Variants in RBMS3 observed in about 807,000 individuals in gnomAD.
The protein encoded by RBMS3 is RNA binding motif single stranded interacting protein 3.
Under a neutral mutation model 66.8 loss-of-function variants are expected in RBMS3, and 27 were observed. The observed-to-expected ratio is 0.40, with a 90% CI of 0.30 to 0.56. RBMS3 has a LOEUF of 0.56. Ranked by LOEUF, RBMS3 falls within the 20% of genes least tolerant of loss-of-function variation. The pLI is 0.40. For synonymous variants in RBMS3, 188 were observed against 183.0 expected, an observed-to-expected ratio of 1.03 and a Z score of -0.22; for missense variants, 513 against 549.5, an observed-to-expected ratio of 0.93 and a Z score of 0.66.
intron 1 of RBMS3, among the ~76,000 whole-genome samples, chr3:29,368,469 A>G (rs977224351): frequency 6.6e-6 from 1 of 152,090 alleles, no homozygotes; most frequent in Non-Finnish European, 1.5e-5. Flanking sequence ...GGTATTCGGT[A>G]AATATTTGTT....
intron 8 of RBMS3, 86 bp from the exon 9 acceptor site, chr3:29,897,293 C>A: frequency 8.3e-7 from 1 of 1,202,950 alleles, no homozygotes; most frequent in Non-Finnish European, 1.2e-6. Context: ...GGAAATATGT[C>A]TTTCCCATAG....
intron 6 of RBMS3, among the ~76,000 whole-genome samples, chr3:29,763,747 A>G (rs1459781310): frequency 3.3e-5 from 5 of 152,104 alleles, no homozygotes; most frequent in Non-Finnish European, 7.4e-5. Flanking sequence ...GAAGGTTTTA[A>G]TATTAACTAA....
chr3:30,003,025 C>T (rs1699679218), intron 14 of RBMS3, among the ~76,000 whole-genome samples: 1 of 151,982 alleles, frequency 6.6e-6, no homozygotes, highest in Admixed American at 6.6e-5. Context: ...TTTTTGCTGG[C>T]ATCCAATACC....
chr3:29,607,344 C>A (rs1193034747), intron 4 of RBMS3, among the ~76,000 whole-genome samples: 12 of 151,878 alleles, frequency 7.9e-5, no homozygotes, highest in Admixed American at 7.9e-4. Context: ...AGTCCAAGAT[C>A]AAGGTGCTGA....
chr3:29,671,380 A>G (rs2050993858), intron 4 of RBMS3, among the ~76,000 whole-genome samples: 1 of 152,230 alleles, frequency 6.6e-6, no homozygotes, highest in African/African-American at 2.4e-5. Flanking sequence ...TTCTCCTCCA[A>G]ACGAACACAG....
intron 4 of RBMS3, among the ~76,000 whole-genome samples, chr3:29,605,687 C>T (rs988276143): frequency 4.6e-5 from 7 of 151,904 alleles, no homozygotes; most frequent in Non-Finnish European, 1.0e-4. Flanking sequence ...TTGACTTTGG[C>T]AGTTCAGATT....
At chr3:29,584,126 T>C (rs1170121965) in intron 3 of RBMS3, among the ~76,000 whole-genome samples, 1 of 152,174 alleles carries the variant, frequency 6.6e-6, no homozygotes, top group Non-Finnish European at 1.5e-5. Context: ...CAAATCATGA[T>C]AGTGACATCA....
intron 10 of RBMS3, among the ~76,000 whole-genome samples, chr3:29,932,826 T>A (rs900099059): frequency 6.6e-6 from 1 of 152,314 alleles, no homozygotes. Flanking sequence ...CACATGATGA[T>A]CTTTGGAAAC....
chr3:29,283,239 C>T (rs2031971668), intron 1 of RBMS3, among the ~76,000 whole-genome samples: 1 of 152,166 alleles, frequency 6.6e-6, no homozygotes, highest in South Asian at 2.1e-4. Context: ...CCCTTTTACT[C>T]ATTTGGCTAC....
intron 3 of RBMS3, among the ~76,000 whole-genome samples, chr3:29,526,970 T>C (rs576791244): frequency 1.3e-5 from 2 of 152,152 alleles, no homozygotes; most frequent in East Asian, 3.9e-4. Context: ...ACGTGACCAT[T>C]CCTATTTTAT....
intron 10 of RBMS3, among the ~76,000 whole-genome samples, chr3:29,917,865 A>C (rs1296965778): frequency 6.6e-6 from 1 of 152,146 alleles, no homozygotes; most frequent in African/African-American, 2.4e-5. Flanking sequence ...CAAGAAGTTC[A>C]TTGGTCTTTT....
At chr3:30,001,937 C>T (rs757889085) in intron 14 of RBMS3, among the ~76,000 whole-genome samples, 23 of 151,942 alleles carry the variant, frequency 1.5e-4, no homozygotes, top group Admixed American at 3.3e-4. Context: ...TAAATGTGCA[C>T]ATTCACATTT....
intron 3 of RBMS3, among the ~76,000 whole-genome samples, chr3:29,497,410 A>G (rs747090004): frequency 8.5e-5 from 13 of 152,232 alleles, no homozygotes; most frequent in Non-Finnish European, 1.9e-4. Flanking sequence ...TGTTACTTTT[A>G]CTAATCCATG....
At chr3:29,759,123 T>C (rs2055552711) in intron 5 of RBMS3, among the ~76,000 whole-genome samples, 1 of 152,116 alleles carries the variant, frequency 6.6e-6, no homozygotes, top group Non-Finnish European at 1.5e-5. Context: ...CAGAACATTC[T>C]ACTAATATTG....
intron 3 of RBMS3, among the ~76,000 whole-genome samples, chr3:29,534,388 T>A (rs2045475053): frequency 6.6e-6 from 1 of 152,228 alleles, no homozygotes. Flanking sequence ...TTTATCTTGG[T>A]TGGGTGAAAC....
intron 4 of RBMS3, among the ~76,000 whole-genome samples, chr3:29,602,253 TAG>T (rs142611941): frequency 0.04 from 6,026 of 152,088 alleles, 158 homozygotes; most frequent in Admixed American, 0.087. Context: ...ATTACAAATA[TAG>T]AGTGTTATTA....
At chr3:29,643,388 T>G (rs2149200261) in intron 4 of RBMS3, among the ~76,000 whole-genome samples, 1 of 152,226 alleles carries the variant, frequency 6.6e-6, no homozygotes, top group Admixed American at 6.5e-5. Flanking sequence ...GTGGTATAAT[T>G]TCTTTGTTGA....
intron 10 of RBMS3, among the ~76,000 whole-genome samples, chr3:29,900,458 TGAC>T (rs2060225531): frequency 1.3e-5 from 2 of 151,810 alleles, no homozygotes; most frequent in African/African-American, 2.4e-5. Flanking sequence ...GTGAAAAGTA[TGAC>T]GTATTACATT....
intron 7 of RBMS3, among the ~76,000 whole-genome samples, chr3:29,874,892 G>A (rs1028804417): frequency 2.0e-5 from 3 of 152,122 alleles, no homozygotes; most frequent in African/African-American, 7.2e-5. Flanking sequence ...CCCTGTACTA[G>A]TGTAAGTTTG....
Sources: allele counts gnomAD v4.1 joint callset (sites outside exome capture counted in the v4.1 genomes callset), GRCh38; gene constraint gnomAD v4.1.1; transcripts MANE v1.5; gene names NCBI Gene and HGNC (gene_info 2026-07-23, HGNC 2026-07-21).